The following DIAPH3 variants were observed in gnomAD, a reference collection of about 807,000 sequenced individuals.
The protein encoded by DIAPH3 is diaphanous related formin 3, also known as protein diaphanous homolog 3.
A neutral mutation model predicts 144.3 loss-of-function variants in DIAPH3; 117 were observed. That is an observed-to-expected ratio of 0.81 (90% confidence interval 0.70 to 0.95). The LOEUF (loss-of-function observed/expected upper bound fraction) is 0.95, where lower values mean the gene tolerates loss of function less well. Ranked by LOEUF, DIAPH3 falls within the 40% of genes least tolerant of loss-of-function variation. DIAPH3 has a pLI of 0.00. For missense variants in DIAPH3, 1,421 were observed against 1,412.7 expected (o/e 1.01, Z -0.09); for synonymous variants, 519 against 488.9 (o/e 1.06, Z -0.81).
At chr13:59,967,144 G>C (rs557229206) in intron 17 of DIAPH3, among the ~76,000 whole-genome samples, 5 of 152,072 alleles carry the variant, frequency 3.3e-5, no homozygotes, top group Non-Finnish European at 7.4e-5. Flanking sequence ...CTGGCTCGCT[G>C]CAACCTCTGC....
At chr13:60,154,778 T>C (rs1385640614) in intron 1 of DIAPH3, among the ~76,000 whole-genome samples, 1 of 152,212 alleles carries the variant, frequency 6.6e-6, no homozygotes, top group East Asian at 1.9e-4. Flanking sequence ...GCTTAATCTA[T>C]ATTTTATAGA....
intron 5 of DIAPH3, among the ~76,000 whole-genome samples, chr13:60,021,786 G>A (rs868081334): frequency 2.6e-5 from 4 of 151,960 alleles, no homozygotes; most frequent in African/African-American, 4.8e-5. Flanking sequence ...GGGAATGGCC[G>A]TCAACTGAAC....
chr13:59,733,765 T>C (rs2036002398), intron 27 of DIAPH3, among the ~76,000 whole-genome samples: 2 of 152,214 alleles, frequency 1.3e-5, no homozygotes, highest in African/African-American at 4.8e-5. Context: ...AATACGACAC[T>C]TCCCTCTTCA....
intron 27 of DIAPH3, among the ~76,000 whole-genome samples, chr13:59,765,301 A>C (rs1682039142): frequency 6.6e-6 from 1 of 152,116 alleles, no homozygotes; most frequent in Non-Finnish European, 1.5e-5. Context: ...ATAACTTTCT[A>C]TTGGCAAATG....
chr13:59,783,456 T>A (rs341567), intron 25 of DIAPH3, among the ~76,000 whole-genome samples: 1 of 151,936 alleles, frequency 6.6e-6, no homozygotes, highest in Non-Finnish European at 1.5e-5. Flanking sequence ...GATTCAAGGC[T>A]TCTAGAGGGC....
At position 60,129,380 on chromosome 13, in the gene DIAPH3, T is replaced by C. The variant is rs147862924; in HGVS notation, c.213+3577A>G. ...TATACAAAGAGAATGCTCATATTTATAGAACAAACACTGCTTATAGTCTAT... is the reference window on the plus strand; with the variant it reads ...TATACAAAGAGAATGCTCATATTTACAGAACAAACACTGCTTATAGTCTAT... On this transcript the variant is annotated intron_variant, in intron 2 of 27. Transcript: ENST00000400324. Among the ~76,000 whole-genome samples the C allele has an allele frequency of 1.5e-4, 23 of 152,344 alleles. No individual in the cohort carries two copies. The East Asian group carries it at 4.4e-3, about 29-fold the overall frequency.
intron 1 of DIAPH3, among the ~76,000 whole-genome samples, chr13:60,160,621 G>A (rs1952247963): frequency 6.6e-6 from 1 of 152,304 alleles, no homozygotes; most frequent in African/African-American, 2.4e-5. Flanking sequence ...CCTAGGGCAG[G>A]TTCCAAGTTT....
intron 22 of DIAPH3, among the ~76,000 whole-genome samples, chr13:59,856,328 A>G (rs1301294600): frequency 1.3e-5 from 2 of 152,218 alleles, no homozygotes; most frequent in African/African-American, 4.8e-5. Flanking sequence ...GTCTTAAGTT[A>G]GTATATTAGT....
At chr13:59,749,848 C>T (rs1381522662) in intron 27 of DIAPH3, among the ~76,000 whole-genome samples, 3 of 152,060 alleles carry the variant, frequency 2.0e-5, no homozygotes, top group African/African-American at 4.8e-5. Context: ...GTTTGAGGCA[C>T]ACAAGTGATG....
chr13:59,834,726 C>T (rs1034550456), intron 23 of DIAPH3, among the ~76,000 whole-genome samples: 2 of 151,584 alleles, frequency 1.3e-5, no homozygotes, highest in African/African-American at 2.4e-5. Context: ...CTTCTGTATT[C>T]GTCAAGAGCT....
chr13:60,123,011 C>T (rs1313421814), intron 2 of DIAPH3, among the ~76,000 whole-genome samples: 1 of 152,024 alleles, frequency 6.6e-6, no homozygotes, highest in African/African-American at 2.4e-5. Context: ...ACCTATATTA[C>T]CCATAAACAA....
chr13:59,749,650 C>A (rs2036897998), intron 27 of DIAPH3, among the ~76,000 whole-genome samples: 1 of 150,292 alleles, frequency 6.7e-6, no homozygotes, highest in Admixed American at 6.6e-5. Flanking sequence ...ATGCAAGATA[C>A]CTTGCATATA....
intron 17 of DIAPH3, among the ~76,000 whole-genome samples, chr13:59,952,245 A>G (rs1288714359): frequency 1.3e-5 from 2 of 152,150 alleles, no homozygotes; most frequent in African/African-American, 4.8e-5. Context: ...GGGCTAGGGG[A>G]AGTGAATAAT....
chr13:59,921,098 C>T (rs193157183), intron 18 of DIAPH3, among the ~76,000 whole-genome samples: 3 of 149,662 alleles, frequency 2.0e-5, no homozygotes, highest in Non-Finnish European at 4.5e-5. Context: ...AAAAGCAGAT[C>T]TAAGTGAGAA....
intron 14 of DIAPH3, among the ~76,000 whole-genome samples, chr13:59,978,721 T>C (rs971053822): frequency 6.6e-6 from 1 of 151,626 alleles, no homozygotes; most frequent in Non-Finnish European, 1.5e-5. Flanking sequence ...TGAATCTCCA[T>C]TAAAAGCACA....
At chr13:60,082,555 AATAGTATTATTCAAGATCCT>A (rs1282904856) in intron 4 of DIAPH3, among the ~76,000 whole-genome samples, 15 of 151,764 alleles carry the variant, frequency 9.9e-5, no homozygotes, top group East Asian at 7.7e-4. Context: ...TAGAAAAAAA[AATAGTATTATTCAAGATCCT>A]ATAGTATTAT....
intron 22 of DIAPH3, among the ~76,000 whole-genome samples, chr13:59,860,136 G>T (rs1303827296): frequency 1.3e-5 from 2 of 152,072 alleles, no homozygotes; most frequent in Admixed American, 6.5e-5. Context: ...TGTCAATAAA[G>T]TTCTATAATC....
chr13:59,880,515 A>G lies in DIAPH3; in HGVS notation c.2368-1047T>C, dbSNP rs9783571. On this transcript the variant is annotated intron_variant, in intron 20 of 27. Transcript: ENST00000400324. ...AACAATGCTATATGAAGCCTGTAGG[A>G]TGCCAAATATAATGAAAATCATGAT... 8.0e-3 allele frequency among the ~76,000 whole-genome samples: 1,224 copies of G among 152,300 alleles called. 19 individuals are homozygous for G. Among genetic ancestry groups the G allele is most frequent in the African/African-American group, 0.027 (1,137 of 41,568 alleles).
intron 18 of DIAPH3, among the ~76,000 whole-genome samples, chr13:59,921,626 C>T (rs542509948): frequency 2.0e-5 from 3 of 151,976 alleles, no homozygotes; most frequent in South Asian, 2.1e-4. Context: ...GGATCTAATA[C>T]ATTTGCTGCT....
Sources: gnomAD v4.1 joint callset for allele counts (sites outside exome capture counted in the v4.1 genomes callset) on GRCh38, gnomAD v4.1.1 for gene constraint, MANE v1.5 for transcripts, NCBI Gene and HGNC (gene_info 2026-07-23, HGNC 2026-07-21) for gene names.